Variants in NTRK3 observed in about 807,000 individuals in gnomAD.
NTRK3 encodes neurotrophic receptor tyrosine kinase 3.
NTRK3 carries 24 observed loss-of-function variants against 91.7 expected under a neutral mutation model. The observed-to-expected ratio is 0.26, with a 90% CI of 0.19 to 0.37. The LOEUF (loss-of-function observed/expected upper bound fraction) is 0.37, where lower values mean the gene tolerates loss of function less well. Among genes scored for constraint, NTRK3 ranks in the 10% least tolerant of loss-of-function variants. The probability of loss-of-function intolerance (pLI) is 1.00; values close to 1 mark genes in which losing one functional copy is unlikely to be tolerated. For synonymous variants in NTRK3, 483 were observed against 404.0 expected (o/e 1.20, Z -2.34); for missense variants, 880 against 1,068.9 (o/e 0.82, Z 2.46).
intron 3 of NTRK3, among the ~76,000 whole-genome samples, chr15:88,248,246 T>A (rs1172842026): frequency 6.6e-6 from 1 of 152,096 alleles, no homozygotes; most frequent in East Asian, 1.9e-4. Context: ...GAAGAGGGTG[T>A]GGCTGAGACA....
At chr15:88,137,624 G>A (rs2042001171) in intron 6 of NTRK3, 63 bp from the exon 7 acceptor site, 2 of 1,575,430 alleles carry the variant, frequency 1.3e-6, no homozygotes, top group African/African-American at 2.7e-5. Flanking sequence ...ACCCTCCCAG[G>A]GCTATGAGGA....
At chr15:88,225,347 A>G (rs184325977) in intron 3 of NTRK3, among the ~76,000 whole-genome samples, 1 of 152,122 alleles carries the variant, frequency 6.6e-6, no homozygotes, top group Non-Finnish European at 1.5e-5. Flanking sequence ...CAGGGGCTAT[A>G]CCCTCTGTAC....
At chr15:87,891,482 C>T (rs2065855708) in intron 17 of NTRK3, among the ~76,000 whole-genome samples, 4 of 152,222 alleles carry the variant, frequency 2.6e-5, no homozygotes, top group African/African-American at 9.6e-5. Context: ...TGTCCCATCT[C>T]TGCTCAGTCT....
At chr15:87,985,602 C>T (rs2074695329) in intron 14 of NTRK3, among the ~76,000 whole-genome samples, 1 of 152,114 alleles carries the variant, frequency 6.6e-6, no homozygotes, top group Non-Finnish European at 1.5e-5. Context: ...ATTGTCCTGG[C>T]CCGCATGCCA....
chr15:88,208,954 CCT>C (rs1256377331), intron 3 of NTRK3, among the ~76,000 whole-genome samples: 1 of 152,136 alleles, frequency 6.6e-6, no homozygotes, highest in African/African-American at 2.4e-5. Context: ...AGCATCGTGC[CCT>C]GAGTGAGGCA....
At chr15:88,153,221 A>G (rs1376889587) in intron 5 of NTRK3, among the ~76,000 whole-genome samples, 1 of 151,986 alleles carries the variant, frequency 6.6e-6, no homozygotes. Context: ...TCAAGTATCT[A>G]TCCCTTTTCT....
exon 19 of NTRK3, chr15:87,860,908 C>G (rs760783793): frequency 4.5e-5 from 10 of 221,784 alleles, no homozygotes; most frequent in Non-Finnish European, 7.2e-5. Context: ...AGCACCTCAA[C>G]TGCTGTGGTC....
chr15:88,126,590 C>T (rs2053311174), intron 12 of NTRK3, among the ~76,000 whole-genome samples: 1 of 152,134 alleles, frequency 6.6e-6, no homozygotes, highest in Non-Finnish European at 1.5e-5. Context: ...AGAGAAAGTT[C>T]CACGATTCAA....
chr15:87,879,140 C>A (rs2065104588), intron 18 of NTRK3, among the ~76,000 whole-genome samples: 2 of 152,144 alleles, frequency 1.3e-5, no homozygotes, highest in Admixed American at 6.6e-5. Context: ...AAAATAATTT[C>A]TTTTCAGTCT....
chr15:87,913,797 C>T (rs2067258564), intron 17 of NTRK3, among the ~76,000 whole-genome samples: 1 of 152,188 alleles, frequency 6.6e-6, no homozygotes, highest in African/African-American at 2.4e-5. Context: ...TGAATGAAAA[C>T]ATGGATGTAT....
chr15:87,954,495 C>T lies in NTRK3; in HGVS notation c.1586-13742G>A, dbSNP rs78869047. On this transcript the variant is annotated intron_variant, in intron 14 of 18. Transcript: ENST00000394480. ...TTTGGAGCAAACATATATGAATCTC[C>T]GATTACTCCAGGTCATGACTTAGGC... is the stretch of plus-strand genomic sequence containing the variant. 2.3e-4 allele frequency among the ~76,000 whole-genome samples: 35 copies of T among 152,162 alleles called. 1 individual carries two copies. In the East Asian group the frequency reaches 5.4e-3, roughly 24 times the overall value.
chr15:87,985,310 G>T (rs932621688), intron 14 of NTRK3, among the ~76,000 whole-genome samples: 2 of 152,210 alleles, frequency 1.3e-5, no homozygotes, highest in Non-Finnish European at 2.9e-5. Context: ...TGCCTGACAT[G>T]TATAAGGCAC....
chr15:88,092,430 C>A (rs1028775652), intron 13 of NTRK3, among the ~76,000 whole-genome samples: 3 of 152,184 alleles, frequency 2.0e-5, no homozygotes, highest in Non-Finnish European at 4.4e-5. Context: ...TACACAGGAC[C>A]AGAGCTTGGT....
intron 3 of NTRK3, among the ~76,000 whole-genome samples, chr15:88,211,917 C>G (rs993025832): frequency 2.6e-5 from 4 of 152,210 alleles, no homozygotes; most frequent in Non-Finnish European, 5.9e-5. Context: ...CTAATCAACT[C>G]TATATGGCTC....
chr15:87,976,064 C>A (rs1449855761), intron 14 of NTRK3, among the ~76,000 whole-genome samples: 1 of 152,106 alleles, frequency 6.6e-6, no homozygotes, highest in Non-Finnish European at 1.5e-5. Flanking sequence ...CTCCCATACA[C>A]TGATAGGCTC....
In NTRK3 at chr15:88,089,376, C is replaced by T. The variant is rs112529421; in HGVS notation, c.1396+36895G>A. The stretch of plus-strand genomic sequence containing the variant: ...ACCCAGGGAAATAATCAGAGATGTA[C>T]GTGGAGATTTATGCACAATGACATC... On this transcript the variant is annotated intron_variant, in intron 13 of 18. Coordinates refer to ENST00000394480, the Ensembl canonical transcript of NTRK3. Among the ~76,000 whole-genome samples the T allele has an allele frequency of 3.9e-3, 594 of 152,224 alleles. 2 individuals are homozygous for T. Among genetic ancestry groups the T allele is most frequent in the Non-Finnish European group, 6.4e-3 (432 of 68,004 alleles).
chr15:87,877,901 T>C (rs1286090036), intron 18 of NTRK3, among the ~76,000 whole-genome samples: 1 of 152,094 alleles, frequency 6.6e-6, no homozygotes, highest in East Asian at 1.9e-4. Context: ...AAAGGGACTG[T>C]ATGGCCCAAC....
rs1484796245 is a variant in NTRK3, at chr15:87,929,523, C to T, written c.1890-89G>A. 10 of 1,484,024 alleles carry T rather than the reference C, an allele frequency of 6.7e-6. No individual in the cohort carries two copies. In the East Asian group the frequency reaches 2.1e-4, roughly 31 times the overall value. The allele number at this position is 1,484,024 out of a possible 1,614,324, so 91.9% of individuals were successfully genotyped here. On this transcript the variant is annotated intron_variant, in intron 16 of 18. Transcript: ENST00000394480. ...TCCTGGGTCCCTGCCCTCTGGAATG[C>T]CCCACAGAAATAAATAAAATTTCCC...
At chr15:87,876,900 G>A (rs1415999432) in exon 19 of NTRK3, 3 of 1,609,732 alleles carry the variant, frequency 1.9e-6, no homozygotes, top group Middle Eastern at 1.7e-4. Context: ...GAGAGAGGAG[G>A]CAACAGAGTA....
Sources: allele counts gnomAD v4.1 joint callset (sites outside exome capture counted in the v4.1 genomes callset), GRCh38; gene constraint gnomAD v4.1.1; transcripts MANE v1.5; gene names NCBI Gene and HGNC (gene_info 2026-07-23, HGNC 2026-07-21).